The following MPP7 variants were observed in gnomAD, a reference collection of about 807,000 sequenced individuals.
MPP7 encodes MAGUK p55 scaffold protein 7.
MPP7 carries 60 observed loss-of-function variants against 76.5 expected under a neutral mutation model. The ratio of observed to expected loss-of-function variants is 0.78; its 90% CI spans 0.64 to 0.97. MPP7 has a LOEUF of 0.97. Ranked by LOEUF, MPP7 falls within the 50% of genes least tolerant of loss-of-function variation. The pLI, the probability that MPP7 is intolerant of heterozygous loss-of-function variation, is 0.00. For synonymous variants in MPP7, 237 were observed against 244.5 expected (o/e 0.97, Z 0.29); for missense variants, 641 against 694.0 (o/e 0.92, Z 0.86).
chr10:28,190,264 C>A (rs1005351973), intron 3 of MPP7, among the ~76,000 whole-genome samples: 4 of 151,998 alleles, frequency 2.6e-5, no homozygotes, highest in Non-Finnish European at 4.4e-5. Flanking sequence ...ATTGACAGAT[C>A]CGGCAGGCAA....
intron 1 of MPP7, among the ~76,000 whole-genome samples, chr10:28,262,266 TATATATATA>T (rs1840010864): frequency 3.2e-5 from 2 of 62,678 alleles, no homozygotes; most frequent in African/African-American, 1.5e-4. Context: ...TATGTATATA[TATATATATA>T]TATTTTTTTT....
At chr10:28,105,511 A>AATC (rs1221795506) in intron 11 of MPP7, among the ~76,000 whole-genome samples, 1 of 152,000 alleles carries the variant, frequency 6.6e-6, no homozygotes, top group Non-Finnish European at 1.5e-5. Flanking sequence ...CAGCTCAGCT[A>AATC]ATTATTATTA....
At chr10:28,203,426 A>G (rs561212851) in intron 2 of MPP7, among the ~76,000 whole-genome samples, 1 of 151,488 alleles carries the variant, frequency 6.6e-6, no homozygotes, top group African/African-American at 2.4e-5. Flanking sequence ...AAGATACATA[A>G]CTTGGGAGAT....
intron 1 of MPP7, among the ~76,000 whole-genome samples, chr10:28,278,815 A>AT (rs549638209): frequency 2.0e-5 from 3 of 150,198 alleles, no homozygotes; most frequent in South Asian, 4.2e-4. Context: ...CATTTATTCC[A>AT]TTTTTTTTAA....
intron 1 of MPP7, among the ~76,000 whole-genome samples, chr10:28,254,004 G>GAAAAAAAAAAAAAA (rs199511617): frequency 1.1e-4 from 10 of 92,324 alleles, no homozygotes; most frequent in Non-Finnish European, 1.6e-4. Context: ...TCACAAAAAA[G>GAAAAAAAAAAAAAA]AAAAAAAAAA....
chr10:28,223,317 A>T (rs10763653), intron 2 of MPP7, among the ~76,000 whole-genome samples: 1 of 152,098 alleles, frequency 6.6e-6, no homozygotes, highest in East Asian at 1.9e-4. Context: ...CTGAGGAAAC[A>T]GTGCAAGAGA....
upstream of MPP7, among the ~76,000 whole-genome samples, chr10:28,307,380 G>T (rs1291875922): frequency 2.6e-5 from 4 of 152,118 alleles, no homozygotes; most frequent in Non-Finnish European, 5.9e-5. Flanking sequence ...TATCTGAAGT[G>T]TACCTCCTGA....
chr10:28,057,834 G>A (rs1235643888), intron 15 of MPP7: 1 of 1,265,840 alleles, frequency 7.9e-7, no homozygotes, highest in African/African-American at 1.6e-5. Context: ...ATCAGTGGAA[G>A]GAGAAACCAT....
At chr10:28,153,940 A>G (rs1186382624) in intron 3 of MPP7, among the ~76,000 whole-genome samples, 1 of 152,202 alleles carries the variant, frequency 6.6e-6, no homozygotes, top group African/African-American at 2.4e-5. Context: ...ATCTAGAATT[A>G]GCACATGCAT....
intron 3 of MPP7, among the ~76,000 whole-genome samples, chr10:28,151,602 C>T (rs369780012): frequency 2.0e-5 from 3 of 152,150 alleles, no homozygotes; most frequent in African/African-American, 7.2e-5. Context: ...GTACTACCCA[C>T]CTAATAGGTC....
intron 2 of MPP7, among the ~76,000 whole-genome samples, chr10:28,311,868 A>G (rs934519570): frequency 2.0e-5 from 3 of 152,158 alleles, no homozygotes; most frequent in Admixed American, 6.5e-5. Context: ...ACCAGTTTGG[A>G]TACTTTTAAA....
chr10:28,233,881 A>C (rs1838978602), intron 2 of MPP7, among the ~76,000 whole-genome samples: 1 of 151,948 alleles, frequency 6.6e-6, no homozygotes, highest in Non-Finnish European at 1.5e-5. Flanking sequence ...ACCAAGAAGA[A>C]AAGAATTGAA....
intron 5 of MPP7, among the ~76,000 whole-genome samples, chr10:28,133,509 T>C (rs1172877734): frequency 6.6e-6 from 1 of 152,232 alleles, no homozygotes; most frequent in East Asian, 1.9e-4. Flanking sequence ...TATAATCATA[T>C]GTGCATTTTT....
chr10:28,190,613 A>G (rs933492804), intron 3 of MPP7, among the ~76,000 whole-genome samples: 3 of 152,226 alleles, frequency 2.0e-5, no homozygotes, highest in African/African-American at 4.8e-5. Context: ...TTTTAAATTA[A>G]GTGGAAATGA....
Position 28,120,454 on chromosome 10 carries a change from C to A in MPP7, c.691-64G>T. ...AAATAAATGTGAAATGGCCTATATT[C>A]TCCTAACTCCGACTCCAAACATAGT... On this transcript the variant is annotated intron_variant, in intron 9 of 16. Coordinates refer to ENST00000683449, the MANE Select transcript of MPP7 (RefSeq NM_001318170.2). 3 of 1,512,252 alleles carry A rather than the reference C, an allele frequency of 2.0e-6. No individual in the cohort carries two copies. In the South Asian group the frequency reaches 3.6e-5, roughly 18 times the overall value. The allele number at this position is 1,512,252 out of a possible 1,614,324, so 93.7% of individuals were successfully genotyped here. A position where few individuals can be genotyped will look rare whatever the true frequency, so the allele number is the denominator to read the frequency against.
chr10:28,084,880 T>C (rs965427654), intron 12 of MPP7, among the ~76,000 whole-genome samples: 2 of 152,114 alleles, frequency 1.3e-5, no homozygotes, highest in Admixed American at 1.3e-4. Context: ...GCCTAGACAG[T>C]GTGCAGAATT....
intron 3 of MPP7, among the ~76,000 whole-genome samples, chr10:28,160,852 G>C (rs991487807): frequency 1.3e-5 from 2 of 152,122 alleles, no homozygotes; most frequent in Non-Finnish European, 2.9e-5. Flanking sequence ...CCATGATTTT[G>C]AGGTCTGAAA....
At chr10:28,202,127 G>C (rs1179105946) in intron 3 of MPP7, 26 bp downstream of exon 3, 1 of 1,492,650 alleles carries the variant, frequency 6.7e-7, no homozygotes, top group South Asian at 1.1e-5. Flanking sequence ...TTTTCGCAAA[G>C]AGAATCTGAC....
chr10:28,229,895 A>AAAAAACAAAAAC (rs201622930), intron 2 of MPP7, among the ~76,000 whole-genome samples: 5 of 150,270 alleles, frequency 3.3e-5, no homozygotes, highest in African/African-American at 1.2e-4. Context: ...TCTCAAAAAA[A>AAAAAACAAAAAC]AAAAACAAAA....
Sources: allele counts gnomAD v4.1 joint callset (sites outside exome capture counted in the v4.1 genomes callset), GRCh38; gene constraint gnomAD v4.1.1; transcripts MANE v1.5; gene names NCBI Gene and HGNC (gene_info 2026-07-23, HGNC 2026-07-21).